KCNMA1: variants seen among roughly 807,000 people sequenced by gnomAD.
KCNMA1 encodes potassium calcium-activated channel subfamily M alpha 1.
Under a neutral mutation model 140.0 loss-of-function variants are expected in KCNMA1, and 29 were observed. The observed-to-expected ratio is 0.21, with a 90% confidence interval of 0.15 to 0.28. The LOEUF is 0.28. Among genes scored for constraint, KCNMA1 ranks in the 10% least tolerant of loss-of-function variants. KCNMA1 has a pLI of 1.00. For missense variants in KCNMA1, 880 were observed against 1,602.2 expected, an observed-to-expected ratio of 0.55 and a Z score of 7.70; for synonymous variants, 612 against 611.9, an observed-to-expected ratio of 1.00 and a Z score of 0.00.
chr10:77,014,739 T>A (rs962190362), intron 17 of KCNMA1, among the ~76,000 whole-genome samples: 1 of 152,152 alleles, frequency 6.6e-6, no homozygotes, highest in Non-Finnish European at 1.5e-5. Context: ...GGTTAATAAG[T>A]GAAATGAGGC....
rs1421076817 is a variant in KCNMA1 at position 77,242,841 on chromosome 10, C to T, written c.602+8354G>A. 4.0e-5 allele frequency among the ~76,000 whole-genome samples: 6 copies of T among 151,426 alleles called. No homozygotes were observed. The East Asian group carries it at 1.2e-3, about 30-fold the overall frequency. On this transcript the variant is annotated intron_variant, in intron 3 of 27. Transcript: ENST00000286628. ...TCTGCTACTGTGATGAGCCTGGTGG[C>T]CAATTCCCCCATGCTCTTCTTCTCC...
chr10:77,565,015 A>G (rs1423349316), intron 1 of KCNMA1, among the ~76,000 whole-genome samples: 1 of 152,236 alleles, frequency 6.6e-6, no homozygotes, highest in Non-Finnish European at 1.5e-5. Context: ...GCAATGAGTC[A>G]GGCAGACGGT....
chr10:77,168,929 A>G (rs1018271197), intron 5 of KCNMA1, among the ~76,000 whole-genome samples: 2 of 152,222 alleles, frequency 1.3e-5, no homozygotes, highest in Non-Finnish European at 2.9e-5. Flanking sequence ...TGTCATTGCC[A>G]TAAACAATAT....
intron 1 of KCNMA1, among the ~76,000 whole-genome samples, chr10:77,405,723 T>G (rs976616494): frequency 5.9e-5 from 9 of 152,232 alleles, no homozygotes; most frequent in Non-Finnish European, 1.2e-4. Flanking sequence ...ACTCTGGAAT[T>G]AATTCCCAAG....
chr10:76,979,843 T>A (rs1321330967), intron 19 of KCNMA1: 1 of 152,310 alleles, frequency 6.6e-6, no homozygotes, highest in East Asian at 1.9e-4. Flanking sequence ...GGGTTTTTAG[T>A]GCAAGCCAGG....
chr10:77,137,142 G>C (rs546984723), intron 5 of KCNMA1, among the ~76,000 whole-genome samples: 1 of 152,090 alleles, frequency 6.6e-6, no homozygotes, highest in Non-Finnish European at 1.5e-5. Flanking sequence ...ACTGCTTCAG[G>C]GTTCCTGTGA....
rs562625570 is a variant in KCNMA1 at position 77,561,434 on chromosome 10, C to A, written c.378+75831G>T. Among the ~76,000 whole-genome samples, 18 of 152,290 alleles carry A rather than the reference C, an allele frequency of 1.2e-4. 1 individual carries two copies. In the South Asian group the frequency reaches 3.1e-3, roughly 26 times the overall value. Reference sequence around the variant, plus strand: ...GGATTATGAATTGAGGTAAGAAAGGCTACCTGACATGCCCACACTCACATA... The same window carrying A: ...GGATTATGAATTGAGGTAAGAAAGGATACCTGACATGCCCACACTCACATA... On this transcript the variant is annotated intron_variant, in intron 1 of 27. Transcript: ENST00000286628.
chr10:77,159,596 C>G (rs762414840), intron 5 of KCNMA1, among the ~76,000 whole-genome samples: 17 of 152,166 alleles, frequency 1.1e-4, no homozygotes, highest in Non-Finnish European at 1.8e-4. Context: ...CACCTACATC[C>G]TTGCTTTTCC....
chr10:77,426,855 G>A (rs560855987), intron 1 of KCNMA1, among the ~76,000 whole-genome samples: 28 of 152,286 alleles, frequency 1.8e-4, no homozygotes, highest in African/African-American at 3.4e-4. Context: ...CCAGGGCCAC[G>A]CTTTCCAACT....
chr10:76,907,152 A>G (rs1300639898), intron 25 of KCNMA1, among the ~76,000 whole-genome samples: 1 of 152,198 alleles, frequency 6.6e-6, no homozygotes, highest in East Asian at 1.9e-4. Context: ...ATACCCTTTT[A>G]TCCTAGGCTA....
At chr10:77,080,483 G>A (rs909599387) in intron 12 of KCNMA1, among the ~76,000 whole-genome samples, 3 of 152,160 alleles carry the variant, frequency 2.0e-5, no homozygotes, top group African/African-American at 7.2e-5. Flanking sequence ...CAGCAGCCAG[G>A]GCTATCCTGA....
At chr10:77,072,964 G>A (rs1440268195) in intron 14 of KCNMA1, 133 bp downstream of exon 14, 26 of 842,950 alleles carry the variant, frequency 3.1e-5, no homozygotes, top group East Asian at 7.6e-5. Context: ...GCCCAAATCC[G>A]TAACAAGGAA....
rs570010174 is a variant in KCNMA1, at chr10:76,976,852, T to C, written c.2267-6785A>G. Reference sequence around the variant, plus strand: ...AAGCAAAGATCACTAGGTATTAGTTTCTTAGAGATGAGACACAGAGATGAA... The same window carrying C: ...AAGCAAAGATCACTAGGTATTAGTTCCTTAGAGATGAGACACAGAGATGAA... On this transcript the variant is annotated intron_variant, in intron 19 of 27. Transcript: ENST00000286628. Among the ~76,000 whole-genome samples, 31 of 152,270 alleles carry C rather than the reference T, an allele frequency of 2.0e-4. 2 individuals carry two copies. The South Asian group carries it at 6.4e-3, about 32-fold the overall frequency.
At chr10:77,170,998 T>C (rs1027309452) in intron 5 of KCNMA1, among the ~76,000 whole-genome samples, 2 of 152,222 alleles carry the variant, frequency 1.3e-5, no homozygotes, top group Non-Finnish European at 2.9e-5. Flanking sequence ...AGAATACTGA[T>C]ATTTAGGAGC....
At chr10:77,039,771 A>G (rs2094542217) in intron 14 of KCNMA1, 134 bp from the exon 15 acceptor site, 1 of 696,268 alleles carries the variant, frequency 1.4e-6, no homozygotes, top group African/African-American at 1.8e-5. Flanking sequence ...AATCAGGAAC[A>G]CGGCCTCTGC....
chr10:77,125,344 T>C (rs1466378658), intron 5 of KCNMA1, among the ~76,000 whole-genome samples: 2 of 152,220 alleles, frequency 1.3e-5, no homozygotes, highest in Non-Finnish European at 2.9e-5. Flanking sequence ...GATGGCTTCC[T>C]ACTGTCACTC....
chr10:77,372,618 G>T (rs1457845644), intron 2 of KCNMA1, among the ~76,000 whole-genome samples: 1 of 152,126 alleles, frequency 6.6e-6, no homozygotes, highest in Non-Finnish European at 1.5e-5. Context: ...TTTTTCCCTT[G>T]GATGCCAAGG....
intron 5 of KCNMA1, among the ~76,000 whole-genome samples, chr10:77,149,118 A>T (rs1029618400): frequency 2.6e-5 from 4 of 152,254 alleles, no homozygotes; most frequent in African/African-American, 9.6e-5. Context: ...TGCCTAGCAC[A>T]GCTGGGAACT....
chr10:77,592,272 G>T (rs1298863093), intron 1 of KCNMA1, among the ~76,000 whole-genome samples: 1 of 152,188 alleles, frequency 6.6e-6, no homozygotes, highest in African/African-American at 2.4e-5. Context: ...GTCATGAAAG[G>T]TAAGGAAAGA....
Sources: allele counts gnomAD v4.1 joint callset (sites outside exome capture counted in the v4.1 genomes callset), GRCh38; gene constraint gnomAD v4.1.1; transcripts MANE v1.5; gene names NCBI Gene and HGNC (gene_info 2026-07-23, HGNC 2026-07-21).